CTNNA3: variants seen among roughly 807,000 people sequenced by gnomAD.
CTNNA3 encodes catenin alpha-3.
A neutral mutation model predicts 95.7 loss-of-function variants in CTNNA3; 76 were observed. The ratio of observed to expected loss-of-function variants is 0.79; its 90% CI spans 0.66 to 0.96. The LOEUF is 0.96. Among genes scored for constraint, CTNNA3 ranks in the 40% least tolerant of loss-of-function variants. The probability of loss-of-function intolerance (pLI) is 0.00; values close to 1 mark genes in which losing one functional copy is unlikely to be tolerated. For synonymous variants in CTNNA3, 431 were observed against 374.4 expected, an observed-to-expected ratio of 1.15 and a Z score of -1.74; for missense variants, 1,191 against 1,089.8, an observed-to-expected ratio of 1.09 and a Z score of -1.31.
chr10:66,895,911 C>G (rs56839799), intron 7 of CTNNA3, among the ~76,000 whole-genome samples: 2 of 101,484 alleles, frequency 2.0e-5, no homozygotes, highest in South Asian at 3.6e-4. Flanking sequence ...AAACCTGTCT[C>G]TACAAAAAAA....
At chr10:67,399,139 G>A (rs1237107304) in intron 5 of CTNNA3, among the ~76,000 whole-genome samples, 1 of 152,010 alleles carries the variant, frequency 6.6e-6, no homozygotes, top group Non-Finnish European at 1.5e-5. Context: ...TGGGGGCAGA[G>A]GCAGAAGAGA....
chr10:66,511,010 C>T (rs1840636346), intron 11 of CTNNA3, among the ~76,000 whole-genome samples: 1 of 151,812 alleles, frequency 6.6e-6, no homozygotes, highest in Non-Finnish European at 1.5e-5. Context: ...GTGAATCCAT[C>T]TGGTCTTGGA....
chr10:67,246,366 CTT>C (rs1282062668), intron 5 of CTNNA3, among the ~76,000 whole-genome samples: 1 of 152,144 alleles, frequency 6.6e-6, no homozygotes, highest in African/African-American at 2.4e-5. Flanking sequence ...ACTAAATACT[CTT>C]TTTTTCCTCT....
chr10:67,631,160 C>T (rs1160061392), intron 2 of CTNNA3, among the ~76,000 whole-genome samples: 1 of 152,158 alleles, frequency 6.6e-6, no homozygotes, highest in Non-Finnish European at 1.5e-5. Flanking sequence ...GAAATTATTT[C>T]TGATCCATTG....
intron 1 of CTNNA3, among the ~76,000 whole-genome samples, chr10:67,713,529 C>T (rs1180277923): frequency 6.6e-6 from 1 of 152,122 alleles, no homozygotes. Flanking sequence ...GACTTGGAAC[C>T]AACCCAGATG....
intron 9 of CTNNA3, among the ~76,000 whole-genome samples, chr10:66,728,584 C>G (rs753303422): frequency 8.6e-5 from 13 of 151,850 alleles, no homozygotes; most frequent in Non-Finnish European, 1.6e-4. Context: ...TCATTTAAGT[C>G]CTTTTTTATT....
chr10:67,149,445 C>T (rs907836255), intron 7 of CTNNA3, among the ~76,000 whole-genome samples: 6 of 151,776 alleles, frequency 4.0e-5, no homozygotes, highest in African/African-American at 4.8e-5. Context: ...ATTAGCCCAG[C>T]GTGGTGACAG....
rs151137862 is a variant in CTNNA3, at chr10:67,761,296, C to G, written c.-2+2138G>C. On this transcript the variant is annotated intron_variant, in intron 1 of 17. Coordinates refer to the CTNNA3 transcript ENST00000684154. Reference sequence around the variant, plus strand: ...ACTTGGGCAAGCTATTCATGGGCCACGGTTTCCTGCCTGTAGATGAAGAGA... The same window carrying G: ...ACTTGGGCAAGCTATTCATGGGCCAGGGTTTCCTGCCTGTAGATGAAGAGA... 1.3e-3 allele frequency among the ~76,000 whole-genome samples: 191 copies of G among 152,276 alleles called. 4 individuals are homozygous for G. The East Asian group carries it at 0.03, about 24-fold the overall frequency.
chr10:66,187,359 G>C (rs2086400471), intron 13 of CTNNA3, among the ~76,000 whole-genome samples: 1 of 150,918 alleles, frequency 6.6e-6, no homozygotes, highest in African/African-American at 2.4e-5. Context: ...AGCTAGGAAT[G>C]AGTTATTCAT....
intron 17 of CTNNA3, among the ~76,000 whole-genome samples, chr10:65,925,401 C>A (rs180999200): frequency 1.2e-4 from 18 of 152,232 alleles, no homozygotes; most frequent in Admixed American, 2.0e-4. Context: ...TACCTTCTTG[C>A]AGACTTTGCA....
At chr10:65,939,624 T>G (rs953962554) in intron 17 of CTNNA3, among the ~76,000 whole-genome samples, 4 of 152,190 alleles carry the variant, frequency 2.6e-5, no homozygotes, top group African/African-American at 9.7e-5. Flanking sequence ...CTTAGTGTAA[T>G]TTTTTGAGTC....
At chr10:66,545,692 A>G (rs2931263) in intron 10 of CTNNA3, among the ~76,000 whole-genome samples, 139,954 of 151,990 alleles carry the variant, frequency 0.92, 64,635 homozygotes, top group East Asian at 0.98. Context: ...TCACCACTTG[A>G]TATTGTCAAT....
At chr10:67,472,040 T>G (rs933426173) in intron 5 of CTNNA3, among the ~76,000 whole-genome samples, 2 of 152,196 alleles carry the variant, frequency 1.3e-5, no homozygotes, top group African/African-American at 4.8e-5. Flanking sequence ...TAAGAATACT[T>G]TCCAAAATCA....
At chr10:65,966,894 A>C in intron 16 of CTNNA3, 148 bp from the exon 17 acceptor site, 1 of 530,864 alleles carries the variant, frequency 1.9e-6, no homozygotes, top group East Asian at 3.0e-5. Flanking sequence ...ATATGCTTCT[A>C]CCATTTACAA....
At chr10:67,119,367 T>G (rs958969823) in intron 7 of CTNNA3, among the ~76,000 whole-genome samples, 1 of 151,742 alleles carries the variant, frequency 6.6e-6, no homozygotes, top group Admixed American at 6.6e-5. Context: ...CTATACATCT[T>G]CTCTACATCA....
At chr10:67,594,694 A>C (rs1168817850) in intron 3 of CTNNA3, among the ~76,000 whole-genome samples, 3 of 151,974 alleles carry the variant, frequency 2.0e-5, no homozygotes, top group Non-Finnish European at 2.9e-5. Context: ...TGTTCTTTCA[A>C]AAAACAAACT....
At chr10:67,618,379 T>C (rs1843725252) in intron 2 of CTNNA3, among the ~76,000 whole-genome samples, 1 of 152,220 alleles carries the variant, frequency 6.6e-6, no homozygotes, top group Admixed American at 6.5e-5. Flanking sequence ...TACTTACGTA[T>C]TCCAGAATTG....
intron 13 of CTNNA3, among the ~76,000 whole-genome samples, chr10:66,166,815 A>C (rs1164452975): frequency 6.6e-6 from 1 of 152,178 alleles, no homozygotes; most frequent in Non-Finnish European, 1.5e-5. Flanking sequence ...AGTTAGTATG[A>C]TGGCAGAAAA....
intron 13 of CTNNA3, among the ~76,000 whole-genome samples, chr10:66,230,463 A>G (rs1488722658): frequency 6.6e-6 from 1 of 152,184 alleles, no homozygotes; most frequent in Non-Finnish European, 1.5e-5. Context: ...GCTGTAATCA[A>G]TGTCATCAGT....
Sources: allele counts gnomAD v4.1 joint callset (sites outside exome capture counted in the v4.1 genomes callset), GRCh38; gene constraint gnomAD v4.1.1; transcripts MANE v1.5; gene names NCBI Gene and HGNC (gene_info 2026-07-23, HGNC 2026-07-21).